The following DPYD variants were observed in gnomAD, a reference collection of about 807,000 sequenced individuals.
DPYD encodes dihydropyrimidine dehydrogenase, also known as dihydropyrimidine dehydrogenase [NADP(+)].
DPYD carries 109 observed loss-of-function variants against 116.2 expected under a neutral mutation model. The observed-to-expected ratio is 0.94, with a 90% CI of 0.80 to 1.10. The LOEUF (loss-of-function observed/expected upper bound fraction) is 1.10, where lower values mean the gene tolerates loss of function less well. Ranked by LOEUF, DPYD falls within the 50% of genes least tolerant of loss-of-function variation. The pLI, the probability that DPYD is intolerant of heterozygous loss-of-function variation, is 0.00. For synonymous variants in DPYD, 440 were observed against 432.0 expected (o/e 1.02, Z -0.23); for missense variants, 1,302 against 1,254.5 (o/e 1.04, Z -0.57).
intron 18 of DPYD, among the ~76,000 whole-genome samples, chr1:97,299,081 G>C (rs749945780): frequency 4.6e-5 from 7 of 152,088 alleles, no homozygotes; most frequent in Non-Finnish European, 5.9e-5. Context: ...ATGGTGAACT[G>C]TTTCTGAAGC....
intron 8 of DPYD, among the ~76,000 whole-genome samples, chr1:97,618,450 A>C (rs1265373631): frequency 6.8e-6 from 1 of 148,074 alleles, no homozygotes; most frequent in African/African-American, 2.5e-5. Flanking sequence ...ATCTCGGTTC[A>C]CTGCAACCTC....
chr1:97,336,188 T>C (rs1266894305), intron 16 of DPYD, among the ~76,000 whole-genome samples: 2 of 152,180 alleles, frequency 1.3e-5, no homozygotes, highest in African/African-American at 2.4e-5. Flanking sequence ...AAGAGATACA[T>C]TTGAGCAAGT....
intron 20 of DPYD, among the ~76,000 whole-genome samples, chr1:97,114,362 T>C (rs1420213894): frequency 2.6e-5 from 4 of 152,184 alleles, no homozygotes; most frequent in African/African-American, 9.6e-5. Context: ...TTAAAGACTA[T>C]GTACATTATA....
At chr1:97,452,148 G>C (rs1056480418) in intron 13 of DPYD, among the ~76,000 whole-genome samples, 5 of 152,060 alleles carry the variant, frequency 3.3e-5, no homozygotes, top group African/African-American at 1.2e-4. Flanking sequence ...TCTTCACTTA[G>C]ACTTCAGTTC....
intron 1 of DPYD, among the ~76,000 whole-genome samples, chr1:97,914,997 ATG>A (rs1674145161): frequency 6.6e-6 from 1 of 152,170 alleles, no homozygotes; most frequent in South Asian, 2.1e-4. Flanking sequence ...TGTTTATATA[ATG>A]TACATGATAG....
intron 16 of DPYD, among the ~76,000 whole-genome samples, chr1:97,368,619 G>A (rs766497564): frequency 2.0e-5 from 3 of 152,124 alleles, no homozygotes; most frequent in Non-Finnish European, 4.4e-5. Context: ...CTGATGGAAG[G>A]TCTAAGAATT....
chr1:97,846,736 T>C (rs546124468), intron 2 of DPYD, among the ~76,000 whole-genome samples: 61 of 152,360 alleles, frequency 4.0e-4, no homozygotes, highest in Non-Finnish European at 8.1e-4. Context: ...CAGTATGAAG[T>C]CTTTACAGGG....
In DPYD at chr1:97,672,697, T is replaced by C. The variant is rs374007493; in HGVS notation, c.850+6398A>G. Among the ~76,000 whole-genome samples the C allele has an allele frequency of 1.3e-4, 20 of 152,288 alleles. No individual in the cohort carries two copies. The South Asian group carries it at 4.1e-3, about 32-fold the overall frequency. ...TTTTCCTCTGAATAAATAGAAAGTA[T>C]ACACAACTATGTACAATTTAAAAAT... is the stretch of plus-strand genomic sequence containing the variant. On this transcript the variant is annotated intron_variant, in intron 8 of 22. Transcript: ENST00000370192.
At position 97,476,973 on chromosome 1, in the gene DPYD, T is replaced by C. The variant is rs144454135; in HGVS notation, c.1741-26750A>G. On this transcript the variant is annotated intron_variant, in intron 13 of 22. Transcript: ENST00000370192. The stretch of plus-strand genomic sequence containing the variant: ...TATTGCTAAAAACTGCTAATGATCA[T>C]CTGAGCCTTCTGAGAGTCAAAACCT... 1.6e-4 allele frequency among the ~76,000 whole-genome samples: 25 copies of C among 152,354 alleles called. No individual in the cohort carries two copies. In the East Asian group the frequency reaches 4.4e-3, roughly 27 times the overall value.
chr1:97,519,514 C>T (rs1170249726), intron 12 of DPYD, among the ~76,000 whole-genome samples: 2 of 152,102 alleles, frequency 1.3e-5, no homozygotes, highest in African/African-American at 4.8e-5. Context: ...CTCTAAAACC[C>T]ATTAAGTGAA....
intron 4 of DPYD, among the ~76,000 whole-genome samples, chr1:97,735,077 C>T (rs1163055012): frequency 6.6e-6 from 1 of 152,004 alleles, no homozygotes; most frequent in Non-Finnish European, 1.5e-5. Flanking sequence ...CGAAAAAAAA[C>T]ATTAAGTGAG....
intron 20 of DPYD, among the ~76,000 whole-genome samples, chr1:97,177,983 C>A (rs1437426483): frequency 6.6e-6 from 1 of 152,002 alleles, no homozygotes; most frequent in Non-Finnish European, 1.5e-5. Context: ...CTCTGGGGTC[C>A]CTTTTATAAG....
At chr1:97,608,765 T>C (rs1158864287) in intron 8 of DPYD, among the ~76,000 whole-genome samples, 1 of 151,798 alleles carries the variant, frequency 6.6e-6, no homozygotes, top group Non-Finnish European at 1.5e-5. Flanking sequence ...ATAAATTTAA[T>C]AATACACATA....
intron 12 of DPYD, among the ~76,000 whole-genome samples, chr1:97,518,961 C>G (rs558612733): frequency 6.6e-6 from 1 of 152,096 alleles, no homozygotes; most frequent in African/African-American, 2.4e-5. Flanking sequence ...TTCTGTTTAT[C>G]CATCAATCAC....
chr1:97,138,945 A>G (rs950392721), intron 20 of DPYD, among the ~76,000 whole-genome samples: 2 of 152,166 alleles, frequency 1.3e-5, no homozygotes, highest in Admixed American at 6.6e-5. Context: ...CCCTCATAAC[A>G]AAGGCTTGTG....
chr1:97,505,494 T>G (rs1647259654), intron 13 of DPYD, among the ~76,000 whole-genome samples: 2 of 151,224 alleles, frequency 1.3e-5, no homozygotes, highest in African/African-American at 2.4e-5. Flanking sequence ...AAAATTAAAA[T>G]TATAAAATAA....
intron 21 of DPYD, among the ~76,000 whole-genome samples, chr1:97,092,386 GA>G (rs1262328452): frequency 6.6e-6 from 1 of 152,170 alleles, no homozygotes; most frequent in Non-Finnish European, 1.5e-5. Context: ...GAGACAAAAT[GA>G]AACAATACAA....
At chr1:97,901,426 A>T (rs1047100324) in intron 1 of DPYD, among the ~76,000 whole-genome samples, 4 of 151,876 alleles carry the variant, frequency 2.6e-5, no homozygotes, top group Non-Finnish European at 5.9e-5. Flanking sequence ...ATATATACCA[A>T]ACTTCCTGGT....
chr1:97,767,271 G>A (rs1207637183), intron 3 of DPYD, among the ~76,000 whole-genome samples: 1 of 152,126 alleles, frequency 6.6e-6, no homozygotes, highest in East Asian at 1.9e-4. Flanking sequence ...TGAGACCAGG[G>A]ATGGTAGTCT....
Sources: allele counts gnomAD v4.1 joint callset (sites outside exome capture counted in the v4.1 genomes callset), GRCh38; gene constraint gnomAD v4.1.1; transcripts MANE v1.5; gene names NCBI Gene and HGNC (gene_info 2026-07-23, HGNC 2026-07-21).